The following CCDC3 variants were observed in gnomAD, a reference collection of about 807,000 sequenced individuals.
CCDC3 encodes the protein coiled-coil domain containing 3.
In CCDC3, 24 loss-of-function variants were observed where a neutral mutation model predicts 21.4. The ratio of observed to expected loss-of-function variants is 1.12; its 90% CI spans 0.81 to 1.58. The LOEUF (loss-of-function observed/expected upper bound fraction) is 1.58, where lower values mean the gene tolerates loss of function less well. Among genes scored for constraint, CCDC3 ranks in the 40% most tolerant of loss-of-function variants. The probability of loss-of-function intolerance (pLI) is 0.00; values close to 1 mark genes in which losing one functional copy is unlikely to be tolerated. For missense variants in CCDC3, 425 were observed against 360.9 expected (o/e 1.18, Z -1.44); for synonymous variants, 186 against 166.0 (o/e 1.12, Z -0.93).
intron 5 of CCDC3, among the ~76,000 whole-genome samples, chr10:13,039,027 A>G (rs1328761945): frequency 2.0e-5 from 3 of 152,214 alleles, no homozygotes; most frequent in South Asian, 2.1e-4. Context: ...TTCTTTGACA[A>G]AATATCTCGG....
At chr10:13,011,517 G>A (rs747875330) in intron 5 of CCDC3, among the ~76,000 whole-genome samples, 5 of 151,924 alleles carry the variant, frequency 3.3e-5, no homozygotes, top group Non-Finnish European at 7.4e-5. Flanking sequence ...ATTACAAAAC[G>A]GCTGCTCAAA....
chr10:13,031,712 C>A (rs186022614), intron 5 of CCDC3, among the ~76,000 whole-genome samples: 1 of 152,124 alleles, frequency 6.6e-6, no homozygotes, highest in Non-Finnish European at 1.5e-5. Context: ...ACTATAAACA[C>A]CTCTACACAA....
At chr10:13,047,803 T>A (rs1487035541) in intron 5 of CCDC3, among the ~76,000 whole-genome samples, 1 of 152,172 alleles carries the variant, frequency 6.6e-6, no homozygotes, top group East Asian at 1.9e-4. Context: ...CCAAAAAGCA[T>A]CTGAGACAGG....
intron 2 of CCDC3, among the ~76,000 whole-genome samples, chr10:12,903,378 A>G (rs902070525): frequency 3.3e-5 from 5 of 152,252 alleles, no homozygotes; most frequent in Non-Finnish European, 7.3e-5. Context: ...TTTCTTTGGA[A>G]TGCTTTCCAA....
At chr10:13,036,126 G>T (rs535842986) in intron 5 of CCDC3, among the ~76,000 whole-genome samples, 2 of 151,946 alleles carry the variant, frequency 1.3e-5, no homozygotes, top group South Asian at 4.2e-4. Context: ...CCTGGTGACA[G>T]AGCAAGACTC....
chr10:13,022,716 T>G (rs920587708), intron 5 of CCDC3, among the ~76,000 whole-genome samples: 5 of 152,196 alleles, frequency 3.3e-5, no homozygotes, highest in Non-Finnish European at 7.3e-5. Context: ...AACTGACCAT[T>G]TATCAAATTA....
intron 3 of CCDC3, chr10:13,074,132 T>C (rs1429289748): frequency 1.1e-5 from 1 of 90,450 alleles, no homozygotes; most frequent in East Asian, 5.0e-4. Flanking sequence ...GAATCAAATA[T>C]ATATATATAT....
At chr10:12,902,293 C>G (rs567161800) in intron 2 of CCDC3, among the ~76,000 whole-genome samples, 1 of 152,322 alleles carries the variant, frequency 6.6e-6, no homozygotes, top group East Asian at 1.9e-4. Context: ...ATGTGCAACA[C>G]TGCCCTCTTC....
At chr10:12,960,566 G>A (rs1015368990) in intron 2 of CCDC3, among the ~76,000 whole-genome samples, 6 of 152,164 alleles carry the variant, frequency 3.9e-5, no homozygotes, top group Non-Finnish European at 5.9e-5. Flanking sequence ...GATGCTGGAC[G>A]TGCCTCCAGT....
chr10:12,914,656 C>G (rs914832745), intron 2 of CCDC3, among the ~76,000 whole-genome samples: 3 of 151,206 alleles, frequency 2.0e-5, no homozygotes, highest in Non-Finnish European at 4.4e-5. Context: ...GTTGACCAGG[C>G]TGTTTTCAAA....
chr10:13,063,066 T>C (rs1257011804), intron 4 of CCDC3, among the ~76,000 whole-genome samples: 1 of 16,130 alleles, frequency 6.2e-5, no homozygotes, highest in Non-Finnish European at 1.2e-4. Context: ...CAATTTCATC[T>C]CTGACCAATC....
chr10:13,002,436 G>GGAGTACAGT (rs749684745), upstream of CCDC3, among the ~76,000 whole-genome samples: 86 of 152,200 alleles, frequency 5.7e-4, no homozygotes, highest in Middle Eastern at 6.8e-3. Context: ...CACCCAGGCT[G>GGAGTACAGT]GAGTACAGTG....
At chr10:13,081,076 A>G (rs180991835) in intron 3 of CCDC3, among the ~76,000 whole-genome samples, 1 of 152,308 alleles carries the variant, frequency 6.6e-6, no homozygotes. Flanking sequence ...ACAAAATAAG[A>G]AGCCCCAAAG....
intron 2 of CCDC3, among the ~76,000 whole-genome samples, chr10:12,996,916 G>A (rs994095121): frequency 7.9e-5 from 12 of 152,016 alleles, no homozygotes; most frequent in African/African-American, 1.9e-4. Context: ...CAATAGACAC[G>A]GGGGCCTACG....
intron 2 of CCDC3, among the ~76,000 whole-genome samples, chr10:12,965,152 ATT>A (rs1835242568): frequency 6.6e-6 from 1 of 151,820 alleles, no homozygotes; most frequent in East Asian, 1.9e-4. Flanking sequence ...CCCCAAAATC[ATT>A]TTCTCTCTCC....
chr10:13,040,526 A>C (rs1346452837), intron 5 of CCDC3, among the ~76,000 whole-genome samples: 2 of 152,122 alleles, frequency 1.3e-5, no homozygotes, highest in Non-Finnish European at 2.9e-5. Flanking sequence ...CCCCATCTCT[A>C]CCAAAAACAC....
chr10:12,976,995 C>T (rs1358940216), intron 2 of CCDC3, among the ~76,000 whole-genome samples: 1 of 152,302 alleles, frequency 6.6e-6, no homozygotes, highest in East Asian at 1.9e-4. Flanking sequence ...TCTGTCAGGC[C>T]GAGTGCAGTG....
intron 2 of CCDC3, among the ~76,000 whole-genome samples, chr10:12,941,084 C>T (rs989316543): frequency 1.3e-5 from 2 of 152,122 alleles, no homozygotes; most frequent in African/African-American, 2.4e-5. Flanking sequence ...GGATGAGATA[C>T]GAGGTCAGCC....
intron 2 of CCDC3, among the ~76,000 whole-genome samples, chr10:12,984,422 C>T (rs554118895): frequency 1.2e-3 from 176 of 152,206 alleles, no homozygotes; most frequent in African/African-American, 3.8e-3. Context: ...CTAGTGAAGA[C>T]GTAAAGAAAT....
Sources: gnomAD v4.1 joint callset for allele counts (sites outside exome capture counted in the v4.1 genomes callset) on GRCh38, gnomAD v4.1.1 for gene constraint, MANE v1.5 for transcripts, NCBI Gene and HGNC (gene_info 2026-07-23, HGNC 2026-07-21) for gene names.